The following RAPGEF2 variants were observed in gnomAD, a reference collection of about 807,000 sequenced individuals.
RAPGEF2 encodes the protein Rap guanine nucleotide exchange factor 2, also known as PDZ domain containing guanine nucleotide exchange factor (GEF) 1.
RAPGEF2 carries 54 observed loss-of-function variants against 186.7 expected under a neutral mutation model. The observed-to-expected ratio is 0.29, with a 90% confidence interval of 0.23 to 0.36. The LOEUF (loss-of-function observed/expected upper bound fraction) is 0.36, where lower values mean the gene tolerates loss of function less well. Among genes scored for constraint, RAPGEF2 ranks in the 10% least tolerant of loss-of-function variants. RAPGEF2 has a pLI of 1.00. For missense variants in RAPGEF2, 1,532 were observed against 2,045.0 expected, an observed-to-expected ratio of 0.75 and a Z score of 4.84; for synonymous variants, 712 against 705.9, an observed-to-expected ratio of 1.01 and a Z score of -0.14.
chr4:159,187,139 G>A (rs1421291428), intron 2 of RAPGEF2, among the ~76,000 whole-genome samples: 1 of 152,136 alleles, frequency 6.6e-6, no homozygotes, highest in African/African-American at 2.4e-5. Flanking sequence ...CCTATACTAA[G>A]GAGCTTAAAC....
intron 7 of RAPGEF2, among the ~76,000 whole-genome samples, chr4:159,303,194 A>G (rs762769369): frequency 1.8e-4 from 28 of 152,186 alleles, no homozygotes; most frequent in Non-Finnish European, 3.7e-4. Flanking sequence ...ATCAAAATCC[A>G]TTGATCATTG....
chr4:159,304,711 T>G (rs922151222), intron 8 of RAPGEF2, among the ~76,000 whole-genome samples: 1 of 152,174 alleles, frequency 6.6e-6, no homozygotes, highest in African/African-American at 2.4e-5. Context: ...TTTGTATAAA[T>G]TTGTGGGGTA....
At position 159,295,720 on chromosome 4, in the gene RAPGEF2, AGTGTGTGTGTGTGT is replaced by A. The variant is rs71589223; in HGVS notation, c.544-8600_544-8587del. Among the ~76,000 whole-genome samples, 124 of 134,702 alleles carry A rather than the reference AGTGTGTGTGTGTGT, an allele frequency of 9.2e-4. 1 individual carries two copies. Among genetic ancestry groups the A allele is most frequent in the African/African-American group, 2.0e-3 (71 of 35,828 alleles). 88.4% of individuals were successfully genotyped at this position (134,702 alleles called of 152,430 possible). A position where few individuals can be genotyped will look rare whatever the true frequency, so the allele number is the denominator to read the frequency against. On this transcript the variant is annotated intron_variant, in intron 7 of 29. Transcript: ENST00000691494. The stretch of plus-strand genomic sequence containing the variant: ...TAGCATAAGAGAGAGAGAGTGTGTG[AGTGTGTGTGTGTGT>A]GTGTGTGTGTGTGTGTGTGTGCGCG...
chr4:159,349,197 AAG>A (rs563616521), intron 25 of RAPGEF2, among the ~76,000 whole-genome samples: 150 of 152,352 alleles, frequency 9.8e-4, no homozygotes, highest in Non-Finnish European at 1.9e-3. Context: ...TTTTTTAAAA[AAG>A]ATTGTATTAA....
At chr4:159,227,758 CT>C (rs956365148) in intron 4 of RAPGEF2, among the ~76,000 whole-genome samples, 2 of 152,024 alleles carry the variant, frequency 1.3e-5, no homozygotes, top group African/African-American at 4.8e-5. Flanking sequence ...TAAGAGCCAC[CT>C]TTTTTTTCTC....
At chr4:159,139,168 G>C (rs1330518087) in intron 1 of RAPGEF2, among the ~76,000 whole-genome samples, 1 of 152,184 alleles carries the variant, frequency 6.6e-6, no homozygotes, top group Non-Finnish European at 1.5e-5. Context: ...AGTACTTTGG[G>C]ATGCAGAGAT....
At chr4:159,245,708 A>G (rs1329812895) in intron 7 of RAPGEF2, among the ~76,000 whole-genome samples, 1 of 152,064 alleles carries the variant, frequency 6.6e-6, no homozygotes, top group Non-Finnish European at 1.5e-5. Flanking sequence ...TATTGGAGTG[A>G]CGTGGGAAGC....
rs143658794 is a variant in RAPGEF2, at chr4:159,130,293, AC to A, written c.69+26064del. Among the ~76,000 whole-genome samples the A allele has an allele frequency of 8.5e-3, 1,288 of 152,146 alleles. 23 individuals carry two copies. The highest frequency in any genetic ancestry group is 0.03 in the African/African-American group (1,224 of 41,472). On this transcript the variant is annotated intron_variant, in intron 1 of 29. Coordinates refer to ENST00000691494, the MANE Select transcript of RAPGEF2 (RefSeq NM_001394067.2). ...CTCATCCTGTGACCAAGAATGTCTA[AC>A]CTCCTGGGAATGCAGTCCAGTAGGT...
At chr4:159,332,737 T>C in intron 17 of RAPGEF2, 40 bp downstream of exon 17, 2 of 1,594,854 alleles carry the variant, frequency 1.3e-6, no homozygotes, top group Middle Eastern at 3.3e-4. Context: ...TATTTTATTT[T>C]GTTAAAATGA....
intron 2 of RAPGEF2, among the ~76,000 whole-genome samples, chr4:159,187,503 C>G (rs1324552790): frequency 5.3e-5 from 8 of 152,188 alleles, no homozygotes; most frequent in Admixed American, 4.6e-4. Context: ...TAAAGAATTA[C>G]TAGGTCCATT....
chr4:159,235,305 C>T (rs938062782), intron 4 of RAPGEF2, among the ~76,000 whole-genome samples: 7 of 152,184 alleles, frequency 4.6e-5, no homozygotes, highest in Non-Finnish European at 7.3e-5. Context: ...GTGTAAGCAT[C>T]TTGCTGTGCT....
intron 7 of RAPGEF2, among the ~76,000 whole-genome samples, chr4:159,255,880 TTATGTCTTGGAAAAAA>T (rs147086524): frequency 0.26 from 40,291 of 152,104 alleles, 6,177 homozygotes; most frequent in African/African-American, 0.42. Context: ...TAAGTTTGCT[TTATGTCTTGGAAAAAA>T]TATTTACTTC....
rs774256486 is a variant in RAPGEF2, at chr4:159,350,317, T to G, written c.3865+28T>G. ...AGAATTAAATTACTTTTTGTTTTCT[T>G]GTATTGAAACCTATACATTTTGGCT... is the stretch of plus-strand genomic sequence containing the variant. On this transcript the variant is annotated intron_variant, in intron 26 of 29. Coordinates refer to ENST00000691494, the MANE Select transcript of RAPGEF2 (RefSeq NM_001394067.2). 8 of 1,513,092 alleles carry G rather than the reference T, an allele frequency of 5.3e-6. No individual in the cohort carries two copies. In the East Asian group the frequency reaches 1.9e-4, roughly 35 times the overall value. 93.7% of individuals were successfully genotyped at this position (1,513,092 alleles called of 1,614,324 possible).
At chr4:159,290,960 T>C (rs1355938456) in intron 7 of RAPGEF2, among the ~76,000 whole-genome samples, 4 of 152,202 alleles carry the variant, frequency 2.6e-5, no homozygotes, top group Non-Finnish European at 1.5e-5. Context: ...AAATGTGAAA[T>C]TAAATTCTTA....
At chr4:159,309,707 TC>T (rs1763731764) in intron 8 of RAPGEF2, among the ~76,000 whole-genome samples, 1 of 152,144 alleles carries the variant, frequency 6.6e-6, no homozygotes, top group Non-Finnish European at 1.5e-5. Flanking sequence ...CATGATAAGG[TC>T]CTGGTTAAAT....
chr4:159,261,248 G>C (rs1324791725), intron 7 of RAPGEF2, among the ~76,000 whole-genome samples: 1 of 151,714 alleles, frequency 6.6e-6, no homozygotes, highest in Non-Finnish European at 1.5e-5. Flanking sequence ...ATTTTTAGTA[G>C]AGATGGGGTT....
chr4:159,219,904 T>C (rs546284463), intron 4 of RAPGEF2, among the ~76,000 whole-genome samples: 2 of 152,352 alleles, frequency 1.3e-5, no homozygotes, highest in South Asian at 2.1e-4. Context: ...TATTATTGAT[T>C]GCTTCTTATA....
At chr4:159,255,214 C>T (rs1252773868) in intron 7 of RAPGEF2, among the ~76,000 whole-genome samples, 1 of 152,090 alleles carries the variant, frequency 6.6e-6, no homozygotes, top group East Asian at 1.9e-4. Flanking sequence ...CAAAGTTGCC[C>T]AATGACGCCG....
At chr4:159,274,800 A>T (rs1758617120) in intron 7 of RAPGEF2, among the ~76,000 whole-genome samples, 1 of 152,220 alleles carries the variant, frequency 6.6e-6, no homozygotes, top group Non-Finnish European at 1.5e-5. Flanking sequence ...TAGGGAATGT[A>T]GATATAAATT....
Sources: gnomAD v4.1 joint callset for allele counts (sites outside exome capture counted in the v4.1 genomes callset) on GRCh38, gnomAD v4.1.1 for gene constraint, MANE v1.5 for transcripts, NCBI Gene and HGNC (gene_info 2026-07-23, HGNC 2026-07-21) for gene names.